The following CDH15 variants were observed in gnomAD, a reference collection of about 807,000 sequenced individuals.
CDH15 encodes the protein cadherin-15.
CDH15 carries 73 observed loss-of-function variants against 69.4 expected under a neutral mutation model. That is an observed-to-expected ratio of 1.05 (90% CI 0.87 to 1.28). The LOEUF (loss-of-function observed/expected upper bound fraction) is 1.28. Among genes scored for constraint, CDH15 ranks in the 50% most tolerant of loss-of-function variants. CDH15 has a pLI of 0.00. For synonymous variants in CDH15, 624 were observed against 507.7 expected (o/e 1.23, Z -3.08); for missense variants, 1,343 against 1,133.6 (o/e 1.18, Z -2.65).
intron 3 of CDH15, among the ~76,000 whole-genome samples, chr16:89,181,486 A>G (rs1915375826): frequency 6.6e-6 from 1 of 152,156 alleles, no homozygotes; most frequent in Non-Finnish European, 1.5e-5. Flanking sequence ...ATAAAATGGT[A>G]AAATAAATTA....
intron 1 of CDH15, among the ~76,000 whole-genome samples, chr16:89,176,906 C>T (rs1238541218): frequency 6.6e-6 from 1 of 152,198 alleles, no homozygotes; most frequent in Non-Finnish European, 1.5e-5. Context: ...GACATGGCAG[C>T]CCAGCAGCCT....
intron 8 of CDH15, among the ~76,000 whole-genome samples, chr16:89,190,877 A>G (rs1449128782): frequency 6.6e-6 from 1 of 152,110 alleles, no homozygotes; most frequent in Non-Finnish European, 1.5e-5. Context: ...CTAGGTTGCC[A>G]CACAATTGTC....
At chr16:89,183,843 ACTC>A in intron 4 of CDH15, 151 bp downstream of exon 4, 4 of 791,898 alleles carry the variant, frequency 5.1e-6, no homozygotes, top group Non-Finnish European at 7.8e-6. Flanking sequence ...CCACAGGTCA[ACTC>A]CTGCCACTTC....
chr16:89,191,213 TGTG>T lies in CDH15; in HGVS notation c.1233-114_1233-112del, dbSNP rs1915632365. On this transcript the variant is annotated intron_variant, in intron 8 of 13. Coordinates refer to ENST00000289746, the MANE Select transcript of CDH15 (RefSeq NM_004933.3). ...TATGTTGTGTGCATGTGTGCATGCATGTGGTATGTATGTGTGTGCCTGTGTGTG... is the reference window on the plus strand; with the variant it reads ...TATGTTGTGTGCATGTGTGCATGCATGTATGTATGTGTGTGCCTGTGTGTG... 2.6e-6 allele frequency: 3 copies of T among 1,158,568 alleles called. No homozygotes were observed. The South Asian group carries it at 3.7e-5, about 14-fold the overall frequency. The allele number at this position is 1,158,568 out of a possible 1,614,324, so 71.8% of individuals were successfully genotyped here.
intron 1 of CDH15, among the ~76,000 whole-genome samples, chr16:89,176,587 T>C (rs1915260757): frequency 6.6e-6 from 1 of 152,066 alleles, no homozygotes. Context: ...TGGTGTGGCG[T>C]GGCCGGCACA....
intron 1 of CDH15, among the ~76,000 whole-genome samples, chr16:89,176,818 T>G (rs1478030814): frequency 6.8e-6 from 1 of 146,362 alleles, no homozygotes; most frequent in African/African-American, 2.5e-5. Context: ...TGGTGGGTGA[T>G]GTTTGGGGCC....
intron 3 of CDH15, among the ~76,000 whole-genome samples, chr16:89,181,662 G>A (rs1270558469): frequency 1.3e-5 from 2 of 151,972 alleles, no homozygotes; most frequent in African/African-American, 2.4e-5. Context: ...AAAGAGGACC[G>A]GGTGCGGTGG....
intron 5 of CDH15, chr16:89,186,131 TA>T (rs1915480515): frequency 4.8e-5 from 6 of 125,096 alleles, no homozygotes; most frequent in Non-Finnish European, 6.7e-5. Flanking sequence ...CAGCGCACAG[TA>T]GGTGCTCTGT....
chr16:89,193,365 A>T (rs1029159785), intron 11 of CDH15, 105 bp from the exon 12 acceptor site: 16 of 432,580 alleles, frequency 3.7e-5, no homozygotes, highest in Non-Finnish European at 5.7e-5. Flanking sequence ...ACCCCTGCTT[A>T]CCAGCCTTGC....
rs567601643 is a variant in CDH15, at chr16:89,191,907, C to G, written c.1615+13C>G. On this transcript the variant is annotated intron_variant, in intron 10 of 13. Transcript: ENST00000289746. ...AGCCAGGTCAACGGTGCGCTCCCCT[C>G]ACCGCCGCGCTCCCCCCATCCCCAC... 2.1e-4 allele frequency: 326 copies of G among 1,539,108 alleles called. No homozygotes were observed. Among genetic ancestry groups the G allele is most frequent in the Non-Finnish European group, 2.6e-4 (302 of 1,148,088 alleles).
rs774242394 is a variant in CDH15, at chr16:89,180,238, C to T, written c.240C>T (p.Tyr80=). Reference sequence around the variant, plus strand: ...AGCAGCAGCTGGGCAGCGTCATCTACAGCATCCAGGGACCCGGCGTGGATG... The same window carrying T: ...AGCAGCAGCTGGGCAGCGTCATCTATAGCATCCAGGGACCCGGCGTGGATG... The part of the protein sequence containing the change: ...SDKQQLGSVI[Y]SIQGPGVDEE... The change falls in exon 3 of 14, where the codon TAC becomes TAT. Residue 80 remains tyrosine (Y), a synonymous_variant. Coordinates refer to ENST00000289746, the MANE Select transcript of CDH15 (RefSeq NM_004933.3). 6.2e-7 allele frequency: 1 copy of T among 1,610,532 alleles called. No homozygotes were observed. The highest frequency in any genetic ancestry group is 2.2e-5 in the East Asian group (1 of 44,732).
intron 1 of CDH15, 33 bp from the exon 2 acceptor site, chr16:89,179,383 C>T (rs751042840): frequency 3.5e-5 from 56 of 1,612,542 alleles, no homozygotes; most frequent in Non-Finnish European, 4.3e-5. Context: ...CTCCAGGAGA[C>T]GGTACTGTGG....
chr16:89,179,615 C>G, intron 2 of CDH15, 41 bp downstream of exon 2: 1 of 1,521,226 alleles, frequency 6.6e-7, no homozygotes, highest in South Asian at 1.3e-5. Flanking sequence ...AAGGGGTAGG[C>G]TGGTCCCCAG....
At chr16:89,173,523 G>C (rs1435354016) in intron 1 of CDH15, among the ~76,000 whole-genome samples, 1 of 152,146 alleles carries the variant, frequency 6.6e-6, no homozygotes, top group Non-Finnish European at 1.5e-5. Flanking sequence ...TGGTGGAGGT[G>C]GGGGCCAGAT....
intron 12 of CDH15, 39 bp from the exon 13 acceptor site, chr16:89,193,716 C>G: frequency 1.3e-6 from 2 of 1,592,084 alleles, no homozygotes; most frequent in Non-Finnish European, 8.5e-7. Flanking sequence ...CAGGGCCACC[C>G]GAGGGATGCC....
chr16:89,174,817 A>C (rs1178759864), intron 1 of CDH15, among the ~76,000 whole-genome samples: 1 of 152,144 alleles, frequency 6.6e-6, no homozygotes, highest in African/African-American at 2.4e-5. Flanking sequence ...GAGTGTCCAC[A>C]AAATCCACCT....
intron 13 of CDH15, 25 bp downstream of exon 13, chr16:89,193,938 G>A: frequency 1.2e-6 from 2 of 1,609,800 alleles, no homozygotes; most frequent in Admixed American, 1.7e-5. Flanking sequence ...GGACACCCCA[G>A]TACACACAGG....
intron 1 of CDH15, among the ~76,000 whole-genome samples, chr16:89,174,266 A>G (rs1009067913): frequency 2.0e-5 from 3 of 152,200 alleles, no homozygotes; most frequent in African/African-American, 7.2e-5. Context: ...ATGCCTGGCC[A>G]TCCAGGAACG....
chr16:89,181,682 G>A (rs1915380240), intron 3 of CDH15, among the ~76,000 whole-genome samples: 1 of 151,986 alleles, frequency 6.6e-6, no homozygotes, highest in Non-Finnish European at 1.5e-5. Context: ...GCTCACGCCT[G>A]TAATCCCAGC....
Sources: gnomAD v4.1 joint callset for allele counts (sites outside exome capture counted in the v4.1 genomes callset) on GRCh38, gnomAD v4.1.1 for gene constraint, MANE v1.5 for transcripts, NCBI Gene and HGNC (gene_info 2026-07-23, HGNC 2026-07-21) for gene names.